Variants in TENM3 observed in about 807,000 individuals in gnomAD.
The protein encoded by TENM3 is teneurin-3.
Under a neutral mutation model 255.1 loss-of-function variants are expected in TENM3, and 63 were observed. That is an observed-to-expected ratio of 0.25 (90% CI 0.20 to 0.30). TENM3 has a LOEUF of 0.30. Among genes scored for constraint, TENM3 ranks in the 10% least tolerant of loss-of-function variants. TENM3 has a pLI of 1.00. For missense variants in TENM3, 2,929 were observed against 3,461.1 expected (o/e 0.85, Z 3.86); for synonymous variants, 1,306 against 1,322.3 (o/e 0.99, Z 0.27).
chr4:182,071,904 T>C, the TENM3 span, among the ~76,000 whole-genome samples: 1 of 152,098 alleles, frequency 6.6e-6, no homozygotes, highest in Non-Finnish European at 1.5e-5. Flanking sequence ...CCTAACATCA[T>C]ATTCAAAAGA....
chr4:182,106,970 G>C, the TENM3 span, among the ~76,000 whole-genome samples: 20 of 152,254 alleles, frequency 1.3e-4, no homozygotes, highest in African/African-American at 4.8e-4. Context: ...ATTAAGCTGA[G>C]AGTTGTCCTC....
At chr4:181,928,668 G>T in the TENM3 span, among the ~76,000 whole-genome samples, 14 of 152,130 alleles carry the variant, frequency 9.2e-5, no homozygotes, top group East Asian at 2.7e-3. Context: ...TCAAACTCAG[G>T]AAATAAAGAG....
chr4:181,507,034 G>A, the TENM3 span, among the ~76,000 whole-genome samples: 2 of 152,174 alleles, frequency 1.3e-5, no homozygotes, highest in African/African-American at 4.8e-5. Context: ...AGGCTAAAAT[G>A]TATTTTTCCA....
the TENM3 span, among the ~76,000 whole-genome samples, chr4:181,563,050 G>A: frequency 6.6e-6 from 1 of 152,214 alleles, no homozygotes; most frequent in African/African-American, 2.4e-5. Flanking sequence ...TCATATGACC[G>A]CAACTAGCTG....
chr4:181,978,806 G>A, the TENM3 span, among the ~76,000 whole-genome samples: 8 of 151,390 alleles, frequency 5.3e-5, no homozygotes, highest in African/African-American at 1.7e-4. Flanking sequence ...CTGAAACTTA[G>A]GAACGTATGA....
chr4:181,710,186 C>G, the TENM3 span, among the ~76,000 whole-genome samples: 3 of 151,948 alleles, frequency 2.0e-5, no homozygotes, highest in Non-Finnish European at 4.4e-5. Context: ...GAGGACTAAA[C>G]CAGGAGGTAC....
the TENM3 span, among the ~76,000 whole-genome samples, chr4:181,628,213 T>A: frequency 2.3e-4 from 30 of 133,014 alleles, no homozygotes; most frequent in South Asian, 5.4e-4. Flanking sequence ...GTTTGAGTTC[T>A]TTGTAGATTC....
At chr4:182,502,574 T>C (rs1736422288) in intron 3 of TENM3, among the ~76,000 whole-genome samples, 1 of 152,108 alleles carries the variant, frequency 6.6e-6, no homozygotes, top group Non-Finnish European at 1.5e-5. Context: ...TGAATTTTCT[T>C]TTATTTTGAC....
At chr4:182,140,375 G>A (rs1170517669), upstream of TENM3, among the ~76,000 whole-genome samples, 2 of 152,096 alleles carry the variant, frequency 1.3e-5, no homozygotes, top group African/African-American at 2.4e-5. Flanking sequence ...TCCTGAGCCT[G>A]AGGGGTGAGC....
chr4:182,100,739 A>C, the TENM3 span, among the ~76,000 whole-genome samples: 1 of 138,048 alleles, frequency 7.2e-6, no homozygotes, highest in Non-Finnish European at 1.5e-5. Flanking sequence ...ATATACACAT[A>C]TATATACACA....
At chr4:181,521,011 T>C in the TENM3 span, among the ~76,000 whole-genome samples, 1 of 152,178 alleles carries the variant, frequency 6.6e-6, no homozygotes, top group African/African-American at 2.4e-5. Context: ...TGTTCCTCTG[T>C]TGCGTGTAGG....
At chr4:181,945,878 C>G in the TENM3 span, among the ~76,000 whole-genome samples, 1 of 152,034 alleles carries the variant, frequency 6.6e-6, no homozygotes, top group East Asian at 1.9e-4. Context: ...CACAAGCACA[C>G]GTGCACATAC....
At chr4:182,217,133 G>C (rs1491004010) in intron 1 of TENM3, among the ~76,000 whole-genome samples, 3 of 141,464 alleles carry the variant, frequency 2.1e-5, no homozygotes, top group Non-Finnish European at 4.5e-5. Context: ...CCATTCTCCT[G>C]CCTCAGCCTC....
chr4:182,793,818 T>C lies in TENM3; in HGVS notation c.7146T>C (p.Phe2382=). The change falls in exon 26 of 28, where the codon TTT becomes TTC. Residue 2382 remains phenylalanine, a synonymous_variant. Coordinates refer to ENST00000511685, the MANE Select transcript of TENM3 (RefSeq NM_001080477.4). The surrounding 1 kb of genome is among the most constrained non-coding windows in gnomAD (Gnocchi z 5.7). ...WKRIGKDPAP[F]NLYMFRNNNP... ...GAATTGGGAAGGACCCAGCTCCTTT[T>C]AACTTGTACATGTTTAGGAATAACA... 3 of 1,613,960 alleles carry C rather than the reference T, an allele frequency of 1.9e-6. No homozygotes were observed. The highest frequency in any genetic ancestry group is 1.7e-6 in the Non-Finnish European group (2 of 1,179,858).
chr4:181,566,805 C>T, the TENM3 span, among the ~76,000 whole-genome samples: 19,957 of 152,188 alleles, frequency 0.13, 1,371 homozygotes, highest in Middle Eastern at 0.18. Context: ...TCTCTCTTAG[C>T]TAATTTCTGT....
the TENM3 span, among the ~76,000 whole-genome samples, chr4:181,687,383 C>G: frequency 6.6e-6 from 1 of 152,178 alleles, no homozygotes; most frequent in Non-Finnish European, 1.5e-5. Flanking sequence ...AAAGATAGCA[C>G]AAACTTTTGT....
chr4:182,572,151 C>G (rs1428216893), intron 3 of TENM3, among the ~76,000 whole-genome samples: 2 of 152,214 alleles, frequency 1.3e-5, no homozygotes, highest in Admixed American at 6.5e-5. Context: ...ATCTGCCCAC[C>G]TCTGCCTCCC....
the TENM3 span, among the ~76,000 whole-genome samples, chr4:181,715,356 A>C: frequency 6.6e-6 from 1 of 152,112 alleles, no homozygotes; most frequent in African/African-American, 2.4e-5. Flanking sequence ...CCTTGTGTCT[A>C]TTTCTTTTAC....
At chr4:182,596,990 G>T (rs1747306990) in intron 3 of TENM3, among the ~76,000 whole-genome samples, 1 of 152,196 alleles carries the variant, frequency 6.6e-6, no homozygotes, top group Non-Finnish European at 1.5e-5. Context: ...CTGCCCAGCT[G>T]TGTTAGATCC....
Sources: allele counts gnomAD v4.1 joint callset (sites outside exome capture counted in the v4.1 genomes callset), GRCh38; gene constraint gnomAD v4.1.1; non-coding constraint Gnocchi (gnomAD v3.1); transcripts MANE v1.5; gene names NCBI Gene and HGNC (gene_info 2026-07-23, HGNC 2026-07-21).